Variants in PTPN3 observed in about 807,000 individuals in gnomAD.
PTPN3 encodes protein tyrosine phosphatase non-receptor type 3.
PTPN3 carries 96 observed loss-of-function variants against 132.7 expected under a neutral mutation model. The observed-to-expected ratio is 0.72, with a 90% CI of 0.61 to 0.86. PTPN3 has a LOEUF of 0.86. Among genes scored for constraint, PTPN3 ranks in the 40% least tolerant of loss-of-function variants. The pLI, the probability that PTPN3 is intolerant of heterozygous loss-of-function variation, is 0.00. For synonymous variants in PTPN3, 398 were observed against 429.0 expected, an observed-to-expected ratio of 0.93 and a Z score of 0.89; for missense variants, 1,125 against 1,159.6, an observed-to-expected ratio of 0.97 and a Z score of 0.43.
chr9:109,463,333 G>A lies in PTPN3; in HGVS notation c.102C>T (p.His34=). 6.2e-7 allele frequency: 1 copy of A among 1,613,598 alleles called. No homozygotes were observed. The highest frequency in any genetic ancestry group is 2.2e-5 in the East Asian group (1 of 44,830). Residue 34 remains histidine, a synonymous_variant, in exon 2 of 26, where the codon CAC becomes CAT. Transcript: ENST00000374541. ...KTRSEVICSI[H]FLDGVVQTFK... is the part of the protein sequence containing the mutation. Reference sequence around the variant, plus strand: ...AGGTCTGTACCACGCCATCTAAAAAGTGGATGCTGCAAATGACTTCTGATC... The same window carrying A: ...AGGTCTGTACCACGCCATCTAAAAAATGGATGCTGCAAATGACTTCTGATC...
At chr9:109,425,576 T>C (rs542642322) in intron 12 of PTPN3, among the ~76,000 whole-genome samples, 106 of 151,630 alleles carry the variant, frequency 7.0e-4, no homozygotes, top group African/African-American at 2.4e-3. Flanking sequence ...CTGGGCGTGG[T>C]GGTGGGCACC....
At position 109,384,065 on chromosome 9, in the gene PTPN3, C is replaced by T. The variant is rs117017197; in HGVS notation, c.2254-514G>A. Among the ~76,000 whole-genome samples, 9 of 152,256 alleles carry T rather than the reference C, an allele frequency of 5.9e-5. No individual in the cohort carries two copies. The East Asian group carries it at 1.4e-3, about 23-fold the overall frequency. On this transcript the variant is annotated intron_variant, in intron 22 of 25. Transcript: ENST00000374541. ...CCTCCATTTGTCAGCCAGATGATGT[C>T]GAAACAGTTGCTTAACCTCTCTGAT...
the PTPN3 span, among the ~76,000 whole-genome samples, chr9:109,536,673 A>G: frequency 6.6e-6 from 1 of 152,182 alleles, no homozygotes; most frequent in Non-Finnish European, 1.5e-5. Context: ...AAGGCTTTGA[A>G]TATGAGAAGA....
intron 14 of PTPN3, among the ~76,000 whole-genome samples, chr9:109,411,154 A>G (rs917078753): frequency 6.6e-6 from 1 of 152,166 alleles, no homozygotes; most frequent in Non-Finnish European, 1.5e-5. Context: ...ACATTTCACC[A>G]CGGCAGGAAG....
At chr9:109,493,553 A>T (rs1360413921) in intron 1 of PTPN3, among the ~76,000 whole-genome samples, 1 of 152,206 alleles carries the variant, frequency 6.6e-6, no homozygotes, top group Admixed American at 6.5e-5. Context: ...CTCTGTCCTA[A>T]CTTTCCATAT....
At chr9:109,440,294 T>C (rs1386831567) in intron 7 of PTPN3, among the ~76,000 whole-genome samples, 1 of 152,234 alleles carries the variant, frequency 6.6e-6, no homozygotes, top group East Asian at 1.9e-4. Flanking sequence ...ATGTCAAGGC[T>C]ATGTGGCTGG....
chr9:109,483,634 T>C (rs2132106945), intron 1 of PTPN3, among the ~76,000 whole-genome samples: 1 of 152,202 alleles, frequency 6.6e-6, no homozygotes, highest in East Asian at 1.9e-4. Context: ...GGATGAGATA[T>C]CAAGCAACAA....
At chr9:109,396,683 C>T (rs1840623459) in intron 19 of PTPN3, among the ~76,000 whole-genome samples, 2 of 152,150 alleles carry the variant, frequency 1.3e-5, no homozygotes, top group Admixed American at 6.5e-5. Context: ...AGAGGGGTTG[C>T]TAAGGAACAA....
intron 17 of PTPN3, among the ~76,000 whole-genome samples, chr9:109,407,275 G>A (rs1013135187): frequency 3.9e-5 from 6 of 152,072 alleles, no homozygotes; most frequent in South Asian, 2.1e-4. Flanking sequence ...TGGTCTCAGC[G>A]ACTTGGGAGG....
intron 19 of PTPN3, among the ~76,000 whole-genome samples, chr9:109,401,620 A>G (rs1400066381): frequency 6.6e-6 from 1 of 152,184 alleles, no homozygotes; most frequent in Non-Finnish European, 1.5e-5. Flanking sequence ...GCTTTTCCTC[A>G]GTGAGAGCCC....
At chr9:109,453,423 C>T (rs539071183) in intron 5 of PTPN3, among the ~76,000 whole-genome samples, 1 of 152,250 alleles carries the variant, frequency 6.6e-6, no homozygotes, top group South Asian at 2.1e-4. Context: ...CTTAACGTTG[C>T]CACAGGGGAG....
At chr9:109,403,411 T>G (rs931735453) in intron 19 of PTPN3, among the ~76,000 whole-genome samples, 1 of 152,252 alleles carries the variant, frequency 6.6e-6, no homozygotes, top group African/African-American at 2.4e-5. Flanking sequence ...CATGTGACTC[T>G]CTTCCTGAAT....
At chr9:109,473,426 T>C (rs937730196) in intron 1 of PTPN3, among the ~76,000 whole-genome samples, 10 of 152,282 alleles carry the variant, frequency 6.6e-5, no homozygotes, top group Middle Eastern at 3.4e-3. Context: ...ATAGGTTTTA[T>C]TTATAGGTTC....
intron 4 of PTPN3, among the ~76,000 whole-genome samples, chr9:109,456,754 C>T (rs1198858685): frequency 6.6e-6 from 1 of 152,176 alleles, no homozygotes; most frequent in African/African-American, 2.4e-5. Flanking sequence ...ATATTGGTGA[C>T]ATTACCTACT....
At chr9:109,469,550 C>G (rs182012801) in intron 1 of PTPN3, among the ~76,000 whole-genome samples, 29 of 152,264 alleles carry the variant, frequency 1.9e-4, no homozygotes, top group African/African-American at 6.7e-4. Context: ...ACCCGGGAAG[C>G]AGAGATTGCA....
At chr9:109,486,172 A>G (rs1847196783) in intron 1 of PTPN3, among the ~76,000 whole-genome samples, 1 of 152,204 alleles carries the variant, frequency 6.6e-6, no homozygotes, top group Non-Finnish European at 1.5e-5. Flanking sequence ...GGCAGAGTAC[A>G]GGACCCAGCC....
chr9:109,420,931 A>T (rs571046790), intron 13 of PTPN3, among the ~76,000 whole-genome samples: 2 of 152,230 alleles, frequency 1.3e-5, no homozygotes, highest in Non-Finnish European at 2.9e-5. Flanking sequence ...CTCTCAAAAC[A>T]TAAATAGGCC....
chr9:109,488,018 C>T (rs1043509501), intron 1 of PTPN3, among the ~76,000 whole-genome samples: 1 of 151,922 alleles, frequency 6.6e-6, no homozygotes, highest in Non-Finnish European at 1.5e-5. Context: ...GTGTGACATG[C>T]TCTGTCCTGT....
At chr9:109,422,958 G>C in intron 12 of PTPN3, 106 bp from the exon 13 acceptor site, 1 of 1,403,202 alleles carries the variant, frequency 7.1e-7, no homozygotes, top group Non-Finnish European at 9.8e-7. Context: ...AAGGACGGCA[G>C]GTTAATGCCA....
Sources: allele counts gnomAD v4.1 joint callset (sites outside exome capture counted in the v4.1 genomes callset), GRCh38; gene constraint gnomAD v4.1.1; transcripts MANE v1.5; gene names NCBI Gene and HGNC (gene_info 2026-07-23, HGNC 2026-07-21).